The following LCORL variants were observed in gnomAD, a reference collection of about 807,000 sequenced individuals.
LCORL encodes the protein ligand-dependent nuclear receptor corepressor-like protein.
A neutral mutation model predicts 141.8 loss-of-function variants in LCORL; 41 were observed. The ratio of observed to expected loss-of-function variants is 0.29; its 90% CI spans 0.23 to 0.38. The LOEUF is 0.38. LCORL is among the 10% of genes least tolerant of loss of function. LCORL has a pLI of 1.00. For synonymous variants in LCORL, 618 were observed against 694.1 expected, an observed-to-expected ratio of 0.89 and a Z score of 1.72; for missense variants, 1,759 against 2,035.0, an observed-to-expected ratio of 0.86 and a Z score of 2.61.
chr4:17,895,533 C>A (rs1560303814), intron 5 of LCORL, among the ~76,000 whole-genome samples: 2 of 152,122 alleles, frequency 1.3e-5, no homozygotes, highest in Non-Finnish European at 2.9e-5. Context: ...TGTATATATA[C>A]CACACTAAAA....
chr4:18,002,404 G>GA (rs1163228941), intron 1 of LCORL, among the ~76,000 whole-genome samples: 224 of 140,522 alleles, frequency 1.6e-3, no homozygotes, highest in African/African-American at 4.2e-3. Context: ...TCTCACAAAA[G>GA]AAAAAAAAAA....
intron 1 of LCORL, among the ~76,000 whole-genome samples, chr4:17,992,204 G>A (rs1014242937): frequency 1.3e-5 from 2 of 152,172 alleles, no homozygotes; most frequent in African/African-American, 4.8e-5. Context: ...TGGTGGAAAA[G>A]GAAGCAAATG....
intron 2 of LCORL, among the ~76,000 whole-genome samples, chr4:17,971,863 A>C (rs111285589): frequency 2.0e-5 from 3 of 151,856 alleles, no homozygotes; most frequent in Non-Finnish European, 4.4e-5. Context: ...TTTAAAATTT[A>C]TATTAAGAAA....
chr4:17,938,419 T>A (rs566723500), intron 4 of LCORL, among the ~76,000 whole-genome samples: 24 of 82,180 alleles, frequency 2.9e-4, no homozygotes, highest in African/African-American at 2.2e-3. Context: ...GTTTCTTTCT[T>A]TTTTTTTTTT....
chr4:17,950,276 G>A (rs1284620130), intron 4 of LCORL, among the ~76,000 whole-genome samples: 1 of 152,078 alleles, frequency 6.6e-6, no homozygotes, highest in Admixed American at 6.6e-5. Context: ...GGAACATATG[G>A]AGAAAGAAAA....
intron 6 of LCORL, chr4:17,883,723 C>A: frequency 6.5e-7 from 1 of 1,529,702 alleles, no homozygotes; most frequent in Non-Finnish European, 8.8e-7. Flanking sequence ...AAGTAATCTA[C>A]ACAGGCTTGC....
Position 17,888,323 on chromosome 4 carries a change from TAC to T in LCORL, c.683-2164_683-2163del, listed in dbSNP as rs760855760. Among the ~76,000 whole-genome samples, 30 of 152,182 alleles carry T rather than the reference TAC, an allele frequency of 2.0e-4. 1 individual carries two copies. The South Asian group carries it at 3.1e-3, about 16-fold the overall frequency. On this transcript the variant is annotated intron_variant, in intron 5 of 7. Transcript: ENST00000635767. ...CAGAGTATCTCGAAAAATTATTAAA[TAC>T]AGTTTATTGCCCCAGTTTACCCATC...
intron 4 of LCORL, among the ~76,000 whole-genome samples, chr4:17,935,356 C>T (rs1215307013): frequency 6.6e-6 from 1 of 152,152 alleles, no homozygotes; most frequent in Non-Finnish European, 1.5e-5. Flanking sequence ...AAATACTACT[C>T]ATGAGTTCCA....
At chr4:17,863,830 T>A (rs1028901688) in intron 7 of LCORL, among the ~76,000 whole-genome samples, 6 of 152,230 alleles carry the variant, frequency 3.9e-5, no homozygotes, top group African/African-American at 1.4e-4. Context: ...AGCAATGCGA[T>A]CATGTCCTCT....
intron 4 of LCORL, chr4:17,911,591 A>G (rs992588172): frequency 2.7e-6 from 1 of 372,604 alleles, no homozygotes. Context: ...ATAATGGCCT[A>G]AAGAAATCAG....
intron 2 of LCORL, among the ~76,000 whole-genome samples, chr4:17,966,122 T>C (rs1714812192): frequency 6.6e-6 from 1 of 152,018 alleles, no homozygotes; most frequent in African/African-American, 2.4e-5. Flanking sequence ...AAAAGAAAAA[T>C]TCATAATCCC....
exon 8 of LCORL, chr4:17,843,743 C>G (rs773440648): frequency 1.0e-4 from 18 of 175,814 alleles, no homozygotes; most frequent in Non-Finnish European, 2.1e-4. Context: ...GGAAAACTTA[C>G]AAGTGTAACT....
intron 4 of LCORL, among the ~76,000 whole-genome samples, chr4:17,940,388 T>A (rs953364060): frequency 6.8e-6 from 1 of 147,170 alleles, no homozygotes; most frequent in Non-Finnish European, 1.5e-5. Context: ...TTTAAATGCA[T>A]GAATATATAG....
chr4:17,950,158 A>G (rs947523460), intron 4 of LCORL, among the ~76,000 whole-genome samples: 8 of 152,158 alleles, frequency 5.3e-5, no homozygotes, highest in Non-Finnish European at 1.0e-4. Context: ...AAGAGCCCTT[A>G]AAGTAATGTT....
chr4:17,971,017 C>T (rs570076911), intron 2 of LCORL, among the ~76,000 whole-genome samples: 36 of 152,120 alleles, frequency 2.4e-4, no homozygotes, highest in African/African-American at 8.2e-4. Context: ...ATAGATAACG[C>T]TCTAAGGGAG....
chr4:17,987,320 C>T (rs1719149636), intron 1 of LCORL, among the ~76,000 whole-genome samples: 1 of 152,132 alleles, frequency 6.6e-6, no homozygotes, highest in African/African-American at 2.4e-5. Context: ...CACATATGCA[C>T]TTTTGTGTCT....
At chr4:17,877,018 T>G in exon 7 of LCORL, 1 of 1,230,764 alleles carries the variant, frequency 8.1e-7, no homozygotes. Flanking sequence ...GATATCTCAT[T>G]GTTTTGTGTC....
At chr4:18,004,780 T>C (rs1722520011) in intron 1 of LCORL, among the ~76,000 whole-genome samples, 2 of 152,204 alleles carry the variant, frequency 1.3e-5, no homozygotes, top group Admixed American at 6.5e-5. Flanking sequence ...CTTCTGCCTA[T>C]GAACCTGTAA....
At chr4:17,899,359 C>A (rs201528614) in intron 5 of LCORL, among the ~76,000 whole-genome samples, 1 of 150,938 alleles carries the variant, frequency 6.6e-6, no homozygotes, top group Non-Finnish European at 1.5e-5. Flanking sequence ...GAACAGGGGG[C>A]AAGCCAAAAA....
Sources: allele counts gnomAD v4.1 joint callset (sites outside exome capture counted in the v4.1 genomes callset), GRCh38; gene constraint gnomAD v4.1.1; transcripts MANE v1.5; gene names NCBI Gene and HGNC (gene_info 2026-07-23, HGNC 2026-07-21).